COG5: variants seen among roughly 807,000 people sequenced by gnomAD.
COG5 encodes the protein conserved oligomeric Golgi complex subunit 5.
COG5 carries 86 observed loss-of-function variants against 110.4 expected under a neutral mutation model. The observed-to-expected ratio is 0.78, with a 90% CI of 0.65 to 0.93. The LOEUF is 0.93. Ranked by LOEUF, COG5 falls within the 40% of genes least tolerant of loss-of-function variation. The pLI, the probability that COG5 is intolerant of heterozygous loss-of-function variation, is 0.00. For synonymous variants in COG5, 360 were observed against 334.6 expected, an observed-to-expected ratio of 1.08 and a Z score of -0.83; for missense variants, 1,077 against 987.0, an observed-to-expected ratio of 1.09 and a Z score of -1.22.
intron 7 of COG5, among the ~76,000 whole-genome samples, chr7:107,397,201 TG>T (rs1791080075): frequency 6.6e-6 from 1 of 152,186 alleles, no homozygotes. Context: ...TTAGGCAATT[TG>T]GGGAAGGATA....
chr7:107,475,381 C>T, intron 6 of COG5: 4 of 1,119,560 alleles, frequency 3.6e-6, no homozygotes, highest in Non-Finnish European at 5.1e-6. Flanking sequence ...CTCAGTTTCA[C>T]CAAATCCACA....
intron 6 of COG5, among the ~76,000 whole-genome samples, chr7:107,457,132 ATATC>A (rs1432396358): frequency 2.6e-5 from 4 of 152,222 alleles, no homozygotes; most frequent in African/African-American, 7.2e-5. Context: ...AGATATTAAA[ATATC>A]TATTAAAAGT....
intron 7 of COG5, among the ~76,000 whole-genome samples, chr7:107,389,050 T>C (rs544288152): frequency 2.0e-5 from 3 of 152,372 alleles, no homozygotes; most frequent in East Asian, 3.9e-4. Flanking sequence ...ACATAGGGTA[T>C]TGATCCTTTA....
In COG5 at chr7:107,272,406, A is replaced by G. The variant is rs1804351837; in HGVS notation, c.1575+8894T>C. Reference sequence around the variant, plus strand: ...TCTTACATATGTTGATTGATGTCTCATGACTCCCTAAAATGTATAAAATCA... The same window carrying G: ...TCTTACATATGTTGATTGATGTCTCGTGACTCCCTAAAATGTATAAAATCA... On this transcript the variant is annotated intron_variant, in intron 14 of 21. Coordinates refer to ENST00000297135, the MANE Select transcript of COG5 (RefSeq NM_006348.5). 1.3e-5 allele frequency among the ~76,000 whole-genome samples: 2 copies of G among 152,102 alleles called. 1 individual carries two copies. Among genetic ancestry groups the G allele is most frequent in the South Asian group, 4.1e-4 (2 of 4,822 alleles).
intron 7 of COG5, among the ~76,000 whole-genome samples, chr7:107,387,310 C>T (rs1489111452): frequency 6.6e-6 from 1 of 152,094 alleles, no homozygotes; most frequent in Non-Finnish European, 1.5e-5. Context: ...CAGAGCTGGC[C>T]TGCTGGGGAG....
intron 1 of COG5, among the ~76,000 whole-genome samples, chr7:107,559,790 G>A (rs1803629418): frequency 6.6e-6 from 1 of 152,184 alleles, no homozygotes; most frequent in African/African-American, 2.4e-5. Flanking sequence ...TCCAAGCAAA[G>A]GGAAGGTTTA....
intron 6 of COG5, among the ~76,000 whole-genome samples, chr7:107,466,979 C>A (rs1796327275): frequency 1.3e-5 from 2 of 152,134 alleles, no homozygotes; most frequent in South Asian, 4.1e-4. Context: ...GAACTAGCCA[C>A]AAGCTGGGTA....
At chr7:107,272,141 C>T (rs761853667) in intron 14 of COG5, among the ~76,000 whole-genome samples, 5 of 152,010 alleles carry the variant, frequency 3.3e-5, no homozygotes, top group Non-Finnish European at 7.4e-5. Flanking sequence ...TGTTGGGGCC[C>T]CCAAATCACT....
chr7:107,330,720 C>A (rs1810161948), intron 10 of COG5, among the ~76,000 whole-genome samples: 1 of 151,464 alleles, frequency 6.6e-6, no homozygotes, highest in Non-Finnish European at 1.5e-5. Context: ...AGAAAGGTGA[C>A]TTCATCTTTC....
chr7:107,222,204 C>G (rs555056612), intron 19 of COG5, among the ~76,000 whole-genome samples: 13 of 151,924 alleles, frequency 8.6e-5, no homozygotes, highest in South Asian at 8.3e-4. Flanking sequence ...CCTGTCCCCC[C>G]CTTTTTTTTT....
chr7:107,285,184 A>T (rs1805522227), intron 12 of COG5, among the ~76,000 whole-genome samples: 1 of 152,234 alleles, frequency 6.6e-6, no homozygotes, highest in Non-Finnish European at 1.5e-5. Flanking sequence ...TTGGCAGGTA[A>T]AATGCTAATT....
intron 5 of COG5, among the ~76,000 whole-genome samples, chr7:107,530,000 T>C (rs1160737374): frequency 1.3e-5 from 2 of 152,186 alleles, no homozygotes; most frequent in Non-Finnish European, 2.9e-5. Context: ...AAATACATCG[T>C]AAGAAGAAAT....
chr7:107,551,408 A>G (rs755306324), intron 3 of COG5, among the ~76,000 whole-genome samples: 2 of 152,240 alleles, frequency 1.3e-5, no homozygotes, highest in Non-Finnish European at 2.9e-5. Context: ...ACATTTTTAA[A>G]TAAAATAGGC....
In COG5 at chr7:107,451,017, T is replaced by C. The variant is rs575881639; in HGVS notation, c.539-38385A>G. On this transcript the variant is annotated intron_variant, in intron 6 of 21. Coordinates refer to ENST00000297135, the MANE Select transcript of COG5 (RefSeq NM_006348.5). ...AAGGCTCATTACATATGGTACTCTATGGAAAGGGCTGTCAATGCTATAGAA... is the reference window on the plus strand; with the variant it reads ...AAGGCTCATTACATATGGTACTCTACGGAAAGGGCTGTCAATGCTATAGAA... Among the ~76,000 whole-genome samples the C allele has an allele frequency of 5.3e-5, 8 of 152,212 alleles. No homozygotes were observed. The South Asian group carries it at 1.7e-3, about 32-fold the overall frequency.
At chr7:107,346,001 A>G (rs1811571354) in intron 10 of COG5, among the ~76,000 whole-genome samples, 1 of 152,244 alleles carries the variant, frequency 6.6e-6, no homozygotes, top group Non-Finnish European at 1.5e-5. Context: ...CATTAATTAT[A>G]TAACAGAACC....
At chr7:107,314,133 C>T (rs1808519720) in intron 11 of COG5, among the ~76,000 whole-genome samples, 1 of 152,048 alleles carries the variant, frequency 6.6e-6, no homozygotes, top group Non-Finnish European at 1.5e-5. Context: ...CAAGAGAAGT[C>T]ACACAGGAGA....
intron 1 of COG5, among the ~76,000 whole-genome samples, chr7:107,561,181 G>A (rs1264397841): frequency 6.6e-6 from 1 of 152,190 alleles, no homozygotes; most frequent in Admixed American, 6.5e-5. Context: ...ATTATATAAT[G>A]CTTCTCTTTT....
intron 19 of COG5, among the ~76,000 whole-genome samples, chr7:107,229,827 GT>G (rs142759073): frequency 2.3e-5 from 3 of 129,358 alleles, no homozygotes; most frequent in African/African-American, 2.9e-5. Flanking sequence ...AGATTCTTCT[GT>G]TTTTTTTTTG....
intron 11 of COG5, among the ~76,000 whole-genome samples, chr7:107,309,308 T>A (rs1287298033): frequency 6.6e-6 from 1 of 152,178 alleles, no homozygotes; most frequent in Admixed American, 6.5e-5. Flanking sequence ...AGTCCATTTT[T>A]AAAAATAAAG....
Sources: allele counts gnomAD v4.1 joint callset (sites outside exome capture counted in the v4.1 genomes callset), GRCh38; gene constraint gnomAD v4.1.1; transcripts MANE v1.5; gene names NCBI Gene and HGNC (gene_info 2026-07-23, HGNC 2026-07-21).